The following SPAG6 variants were observed in gnomAD, a reference collection of about 807,000 sequenced individuals.
The protein encoded by SPAG6 is sperm-associated antigen 6.
SPAG6 carries 49 observed loss-of-function variants against 58.5 expected under a neutral mutation model. The ratio of observed to expected loss-of-function variants is 0.84; its 90% confidence interval spans 0.67 to 1.06. SPAG6 has a LOEUF of 1.06. Ranked by LOEUF, SPAG6 falls within the 50% of genes least tolerant of loss-of-function variation. The probability of loss-of-function intolerance (pLI) is 0.00; values close to 1 mark genes in which losing one functional copy is unlikely to be tolerated. For missense variants in SPAG6, 560 were observed against 611.3 expected, an observed-to-expected ratio of 0.92 and a Z score of 0.89; for synonymous variants, 233 against 225.6, an observed-to-expected ratio of 1.03 and a Z score of -0.29.
intron 9 of SPAG6, among the ~76,000 whole-genome samples, chr10:22,407,423 C>A (rs1233321931): frequency 6.6e-6 from 1 of 151,786 alleles, no homozygotes; most frequent in East Asian, 1.9e-4. Context: ...ATATGAAATT[C>A]TGGGTTGAAA....
At position 22,345,818 on chromosome 10, in the gene SPAG6, G is replaced by T. The variant is rs1020215099; in HGVS notation, c.121G>T (p.Gly41Cys). Residue 41 changes from glycine to cysteine, a missense_variant and splice_region_variant, in exon 2 of 11, where the codon GGT becomes TGT. By Grantham distance (159) the Gly-to-Cys change is radical. Coordinates refer to ENST00000376624, the MANE Select transcript of SPAG6 (RefSeq NM_012443.4). The surrounding 1 kb of genome is among the most constrained non-coding windows in gnomAD (Gnocchi z 6.3). ...AAACATCGAGACGCTGCAGAACGCG[G>T]GTGAGCCCGGAGCCCGAACCCCCGT... Reference protein sequence around the residue: ...PQNIETLQNAGVMSLLRTLLL... With the variant: ...PQNIETLQNACVMSLLRTLLL... 1.9e-6 allele frequency: 3 copies of T among 1,612,430 alleles called. No homozygotes were observed. The highest frequency in any genetic ancestry group is 1.1e-5 in the South Asian group (1 of 90,878).
At chr10:22,373,997 G>A (rs1005261934) in intron 4 of SPAG6, among the ~76,000 whole-genome samples, 1 of 152,104 alleles carries the variant, frequency 6.6e-6, no homozygotes, top group African/African-American at 2.4e-5. Flanking sequence ...TACCTAATTG[G>A]TTGGTTATTT....
intron 7 of SPAG6, among the ~76,000 whole-genome samples, 195 bp downstream of exon 7, chr10:22,389,507 G>A (rs112948725): frequency 0.015 from 2,299 of 152,224 alleles, 44 homozygotes; most frequent in African/African-American, 0.051. Flanking sequence ...TTTACTCAGC[G>A]TTTCTCATCA....
At chr10:22,373,220 G>T (rs563732771) in intron 4 of SPAG6, among the ~76,000 whole-genome samples, 1 of 152,140 alleles carries the variant, frequency 6.6e-6, no homozygotes, top group Non-Finnish European at 1.5e-5. Flanking sequence ...TGATGTGGAC[G>T]TGACGGAAAC....
At chr10:22,406,776 C>T (rs1194398427) in intron 9 of SPAG6, among the ~76,000 whole-genome samples, 1 of 152,022 alleles carries the variant, frequency 6.6e-6, no homozygotes, top group Non-Finnish European at 1.5e-5. Context: ...GAGTCTAAGT[C>T]TCTTTGTAGG....
chr10:22,399,781 C>T (rs1463057005), intron 8 of SPAG6, among the ~76,000 whole-genome samples: 1 of 152,122 alleles, frequency 6.6e-6, no homozygotes, highest in African/African-American at 2.4e-5. Context: ...ATTTCTACTA[C>T]ACTGTTCAAG....
chr10:22,345,932 C>G lies in SPAG6; in HGVS notation c.121+114C>G, dbSNP rs1401532302. On this transcript the variant is annotated intron_variant, in intron 2 of 10. Transcript: ENST00000376624. The surrounding 1 kb of genome is among the most constrained non-coding windows in gnomAD (Gnocchi z 6.3). Reference sequence around the variant, plus strand: ...GAGCCGCAGTGTGGGGACCGGAGTTCGCAAAAGCATCCATTCTTTTCAGCG... The same window carrying G: ...GAGCCGCAGTGTGGGGACCGGAGTTGGCAAAAGCATCCATTCTTTTCAGCG... 2 of 1,565,410 alleles carry G rather than the reference C, an allele frequency of 1.3e-6. No individual in the cohort carries two copies. The highest frequency in any genetic ancestry group is 1.7e-6 in the Non-Finnish European group (2 of 1,155,538).
intron 8 of SPAG6, among the ~76,000 whole-genome samples, chr10:22,396,939 G>C (rs1366316358): frequency 6.6e-6 from 1 of 152,082 alleles, no homozygotes; most frequent in Non-Finnish European, 1.5e-5. Flanking sequence ...ACTACTAAAT[G>C]CAATGACAAT....
intron 4 of SPAG6, among the ~76,000 whole-genome samples, chr10:22,380,288 G>A (rs1325002792): frequency 6.6e-6 from 1 of 151,890 alleles, no homozygotes; most frequent in Admixed American, 6.6e-5. Flanking sequence ...AATTTTAAAT[G>A]TAGGTTTTGT....
intron 4 of SPAG6, among the ~76,000 whole-genome samples, chr10:22,383,187 T>C (rs551198080): frequency 1.3e-5 from 2 of 152,236 alleles, no homozygotes; most frequent in Admixed American, 6.5e-5. Context: ...TTGGTACATA[T>C]CAATCTTTGA....
chr10:22,358,183 T>C (rs1297633242), intron 2 of SPAG6, among the ~76,000 whole-genome samples: 1 of 152,174 alleles, frequency 6.6e-6, no homozygotes, highest in Non-Finnish European at 1.5e-5. Flanking sequence ...ATGGTTGAAC[T>C]AGTTTACAGT....
chr10:22,405,142 T>C (rs529006580), intron 9 of SPAG6, among the ~76,000 whole-genome samples: 3 of 152,258 alleles, frequency 2.0e-5, no homozygotes, highest in Admixed American at 2.0e-4. Context: ...TTCTCCTGCC[T>C]AATTGCCCTG....
At chr10:22,401,594 C>T (rs1386173536) in intron 9 of SPAG6, among the ~76,000 whole-genome samples, 1 of 152,000 alleles carries the variant, frequency 6.6e-6, no homozygotes, top group South Asian at 2.1e-4. Flanking sequence ...ATTTCACTCA[C>T]CTGGGAATAT....
At chr10:22,396,707 T>TA (rs11362188) in intron 8 of SPAG6, among the ~76,000 whole-genome samples, 5 of 151,812 alleles carry the variant, frequency 3.3e-5, no homozygotes, top group Non-Finnish European at 1.5e-5. Flanking sequence ...TGTTAAGAGG[T>TA]AAAAAAAATA....
rs776945378 is a variant in SPAG6, at chr10:22,411,121, C to T, written c.1405C>T (p.Leu469Phe). 7.4e-6 allele frequency: 12 copies of T among 1,613,832 alleles called. No individual in the cohort carries two copies. In the Admixed American group the frequency reaches 2.0e-4, roughly 27 times the overall value. Residue 469 changes from leucine to phenylalanine, a missense_variant, in exon 10 of 11, where the codon CTC (leucine) becomes TTC (phenylalanine). Leu to Phe is a conservative substitution (Grantham distance 22). Coordinates refer to ENST00000376624, the MANE Select transcript of SPAG6 (RefSeq NM_012443.4). Reference protein sequence around the residue: ...VQEIKAEPGSLLQEYINSINS... With the variant: ...VQEIKAEPGSFLQEYINSINS... ...AGAGATAAAAGCAGAACCTGGTTCT[C>T]TCCTTCAAGAATACATCAACAGTAT...
In SPAG6 at chr10:22,386,865, CA is replaced by C. The variant is rs770347524; in HGVS notation, c.587del (p.Lys196SerfsTer6). 4 of 1,613,722 alleles carry C rather than the reference CA, an allele frequency of 2.5e-6. No individual in the cohort carries two copies. Among genetic ancestry groups the C allele is most frequent in the East Asian group, 4.5e-5 (2 of 44,884 alleles). ...GCTGCTTCGGCCCTCAGTGATATTG[CA>C]AAGCATTCTCCAGAGTTAGCACAGA... ...RIAASALSDI[A>X]KHSPELAQTV... On this transcript the variant is annotated frameshift_variant, in exon 5 of 11. Coordinates refer to ENST00000376624, the MANE Select transcript of SPAG6 (RefSeq NM_012443.4). LOFTEE classifies it high-confidence loss of function.
In SPAG6 at chr10:22,405,198, C is replaced by T. The variant is rs551787003; in HGVS notation, c.1314+3921C>T. 9.6e-3 allele frequency among the ~76,000 whole-genome samples: 1,458 copies of T among 151,822 alleles called. 25 individuals carry two copies. The highest frequency in any genetic ancestry group is 0.033 in the African/African-American group (1,354 of 41,406). The stretch of plus-strand genomic sequence containing the variant: ...GTTGAATAGGAGTGGTGAGAGAGGG[C>T]ATCCCTGTCTTGTGCCAGTTTTCAA... On this transcript the variant is annotated intron_variant, in intron 9 of 10. Transcript: ENST00000376624.
chr10:22,352,027 G>T (rs1016466048), intron 2 of SPAG6, among the ~76,000 whole-genome samples: 1 of 152,098 alleles, frequency 6.6e-6, no homozygotes, highest in African/African-American at 2.4e-5. Context: ...GGGCGTGGTG[G>T]CGGGTGCCTG....
chr10:22,396,107 G>C (rs1387087594), intron 8 of SPAG6, among the ~76,000 whole-genome samples: 1 of 152,180 alleles, frequency 6.6e-6, no homozygotes, highest in Admixed American at 6.5e-5. Context: ...GAGCAGGAGA[G>C]AGGGAGCGAA....
Sources: gnomAD v4.1 joint callset for allele counts (sites outside exome capture counted in the v4.1 genomes callset) on GRCh38, gnomAD v4.1.1 for gene constraint, Gnocchi (gnomAD v3.1) non-coding constraint, MANE v1.5 for transcripts, NCBI Gene and HGNC (gene_info 2026-07-23, HGNC 2026-07-21) for gene names.